The following FER variants were observed in gnomAD, a reference collection of about 807,000 sequenced individuals.
FER encodes the protein FER tyrosine kinase.
A neutral mutation model predicts 111.0 loss-of-function variants in FER; 63 were observed. That is an observed-to-expected ratio of 0.57 (90% CI 0.46 to 0.70). The LOEUF (loss-of-function observed/expected upper bound fraction) is 0.70. Ranked by LOEUF, FER falls within the 30% of genes least tolerant of loss-of-function variation. The probability of loss-of-function intolerance (pLI) is 0.00; values close to 1 mark genes in which losing one functional copy is unlikely to be tolerated. For synonymous variants in FER, 327 were observed against 313.9 expected (o/e 1.04, Z -0.44); for missense variants, 914 against 954.0 (o/e 0.96, Z 0.55).
intron 11 of FER, among the ~76,000 whole-genome samples, chr5:108,946,667 C>A (rs1207626186): frequency 6.6e-6 from 1 of 151,856 alleles, no homozygotes; most frequent in East Asian, 1.9e-4. Context: ...AAATTGAAGT[C>A]TGTTTGATAG....
At chr5:108,952,189 A>T (rs76004122) in intron 11 of FER, among the ~76,000 whole-genome samples, 52 of 152,274 alleles carry the variant, frequency 3.4e-4, no homozygotes, top group African/African-American at 1.2e-3. Context: ...AAAATCTCAG[A>T]TAACTTACCA....
At position 109,180,732 on chromosome 5, in the gene FER, CT is replaced by C. The variant is rs753534342; in HGVS notation, c.2049-13del. The C allele has an allele frequency of 6.3e-7, 1 of 1,591,766 alleles. No homozygotes were observed. The highest frequency in any genetic ancestry group is 1.4e-5 in the African/African-American group (1 of 73,382). The stretch of plus-strand genomic sequence containing the variant: ...TTGTTTTAATAGGCGTTTTCTGTGT[CT>C]TACTGTAACCTAGGGACCTTGCTGC... On this transcript the variant is annotated splice_polypyrimidine_tract_variant and intron_variant, in intron 17 of 19. Transcript: ENST00000281092.
intron 13 of FER, among the ~76,000 whole-genome samples, chr5:108,990,530 A>G (rs1763042667): frequency 6.6e-6 from 1 of 151,874 alleles, no homozygotes; most frequent in Non-Finnish European, 1.5e-5. Context: ...AAAGGTAAGT[A>G]TACTTGCAAA....
At chr5:109,087,965 C>T (rs2150036162) in intron 16 of FER, among the ~76,000 whole-genome samples, 1 of 151,998 alleles carries the variant, frequency 6.6e-6, no homozygotes, top group East Asian at 1.9e-4. Context: ...GTAATTGGCT[C>T]ATGACCCATT....
intron 5 of FER, among the ~76,000 whole-genome samples, chr5:108,837,696 C>CT (rs1292034646): frequency 6.6e-6 from 1 of 151,982 alleles, no homozygotes; most frequent in East Asian, 1.9e-4. Flanking sequence ...AAAGCAAAAT[C>CT]TAATTCTGAT....
intron 13 of FER, among the ~76,000 whole-genome samples, chr5:109,027,429 T>C (rs1343973497): frequency 6.6e-6 from 1 of 152,194 alleles, no homozygotes; most frequent in African/African-American, 2.4e-5. Flanking sequence ...GGGAGATATA[T>C]AGGAATAGAA....
At chr5:109,169,390 GTA>G (rs1363219467) in intron 17 of FER, among the ~76,000 whole-genome samples, 1 of 152,104 alleles carries the variant, frequency 6.6e-6, no homozygotes, top group Non-Finnish European at 1.5e-5. Context: ...AAATAGACCT[GTA>G]TTCATAACTT....
At chr5:108,862,243 A>G (rs1205197980) in intron 5 of FER, among the ~76,000 whole-genome samples, 1 of 152,168 alleles carries the variant, frequency 6.6e-6, no homozygotes, top group Non-Finnish European at 1.5e-5. Context: ...TTTGGCTCTA[A>G]TGACTTCAGG....
chr5:109,057,955 A>G (rs750199010), intron 16 of FER, among the ~76,000 whole-genome samples: 2 of 152,222 alleles, frequency 1.3e-5, no homozygotes, highest in African/African-American at 2.4e-5. Context: ...ATCATTCATG[A>G]TCATAGATTT....
chr5:108,871,689 T>G (rs765696030), intron 7 of FER, among the ~76,000 whole-genome samples, 187 bp downstream of exon 7: 5 of 152,048 alleles, frequency 3.3e-5, no homozygotes, highest in Non-Finnish European at 5.9e-5. Flanking sequence ...AATGTATAGT[T>G]TTTGATATGT....
At chr5:109,044,898 G>A (rs7715461) in intron 15 of FER, 103 bp downstream of exon 15, 69 of 620,148 alleles carry the variant, frequency 1.1e-4, no homozygotes, top group Non-Finnish European at 1.6e-4. Flanking sequence ...AAATAGTAGG[G>A]GTAAGCACTT....
chr5:108,819,174 C>T (rs1294913225), intron 3 of FER, among the ~76,000 whole-genome samples: 1 of 142,836 alleles, frequency 7.0e-6, no homozygotes, highest in African/African-American at 2.7e-5. Flanking sequence ...CACCACCATG[C>T]TCAGCTTTTT....
rs1373350728 is a variant in FER at position 108,897,520 on chromosome 5, T to A, written c.1047-139T>A. The A allele has an allele frequency of 4.2e-5, 25 of 589,332 alleles. No individual in the cohort carries two copies. In the African/African-American group the frequency reaches 4.5e-4, roughly 11 times the overall value. The allele number at this position is 589,332 out of a possible 1,614,324, so 36.5% of individuals were successfully genotyped here. A position where few individuals can be genotyped will look rare whatever the true frequency, so the allele number is the denominator to read the frequency against. ...TAATAAATACTGTGATAACTTAAAA[T>A]CTGCTTAGTTTCATATTTTTTATGA... On this transcript the variant is annotated intron_variant, in intron 9 of 19. Transcript: ENST00000281092.
chr5:109,114,150 T>C (rs1749959583), intron 17 of FER, among the ~76,000 whole-genome samples: 1 of 152,124 alleles, frequency 6.6e-6, no homozygotes, highest in Non-Finnish European at 1.5e-5. Flanking sequence ...TACTAATCCC[T>C]CACTCTAATG....
At chr5:109,050,304 C>T (rs1291936298) in intron 16 of FER, among the ~76,000 whole-genome samples, 1 of 152,094 alleles carries the variant, frequency 6.6e-6, no homozygotes, top group Non-Finnish European at 1.5e-5. Flanking sequence ...GTTTTACTTG[C>T]CACAGCAGGA....
chr5:108,974,249 G>A (rs72789331), intron 13 of FER, among the ~76,000 whole-genome samples: 5,108 of 152,268 alleles, frequency 0.034, 119 homozygotes, highest in Middle Eastern at 0.13. Flanking sequence ...TGATTGAGGT[G>A]ATGAACCCCA....
At chr5:108,871,546 T>G (rs1209113423) in intron 7 of FER, 44 bp downstream of exon 7, 1 of 1,450,744 alleles carries the variant, frequency 6.9e-7, no homozygotes, top group South Asian at 1.4e-5. Context: ...GACAGTATTA[T>G]TTTTCATTCA....
At chr5:108,995,075 C>T (rs1012646180) in intron 13 of FER, among the ~76,000 whole-genome samples, 1 of 152,052 alleles carries the variant, frequency 6.6e-6, no homozygotes, top group Admixed American at 6.5e-5. Context: ...GTTTGACTTC[C>T]TCTCTTCCTA....
chr5:109,105,355 A>T (rs1049851548), intron 17 of FER, among the ~76,000 whole-genome samples: 1 of 150,710 alleles, frequency 6.6e-6, no homozygotes, highest in African/African-American at 2.4e-5. Flanking sequence ...ATGATCTTTG[A>T]GGATTTATTT....
Sources: gnomAD v4.1 joint callset for allele counts (sites outside exome capture counted in the v4.1 genomes callset) on GRCh38, gnomAD v4.1.1 for gene constraint, MANE v1.5 for transcripts, NCBI Gene and HGNC (gene_info 2026-07-23, HGNC 2026-07-21) for gene names.